GPATCH8: variants seen among roughly 807,000 people sequenced by gnomAD.
The protein encoded by GPATCH8 is G patch domain-containing protein 8.
Under a neutral mutation model 118.3 loss-of-function variants are expected in GPATCH8, and 18 were observed. The ratio of observed to expected loss-of-function variants is 0.15; its 90% CI spans 0.11 to 0.23. GPATCH8 has a LOEUF of 0.23. GPATCH8 is among the 10% of genes least tolerant of loss of function. The pLI is 1.00. For missense variants in GPATCH8, 1,631 were observed against 1,873.8 expected (o/e 0.87, Z 2.39); for synonymous variants, 659 against 684.7 (o/e 0.96, Z 0.59).
chr17:44,498,933 T>A (rs1223583491), intron 1 of GPATCH8, among the ~76,000 whole-genome samples: 4 of 152,212 alleles, frequency 2.6e-5, no homozygotes, highest in Non-Finnish European at 5.9e-5. Context: ...AACTAAGAAT[T>A]TCCTAAGGGT....
intron 1 of GPATCH8, among the ~76,000 whole-genome samples, chr17:44,485,347 C>G (rs188870160): frequency 4.9e-4 from 75 of 152,278 alleles, no homozygotes; most frequent in African/African-American, 1.7e-3. Flanking sequence ...CCCCTGGTCT[C>G]AGGTGATCCC....
rs1390067875 is a variant in GPATCH8, at chr17:44,400,621, A to G, written c.1456T>C (p.Leu486=). 6.2e-7 allele frequency: 1 copy of G among 1,613,960 alleles called. No homozygotes were observed. The highest frequency in any genetic ancestry group is 1.7e-5 in the Admixed American group (1 of 60,012). Residue 486 remains leucine (L), a synonymous_variant, in exon 8 of 8, where the codon TTA becomes CTA. Transcript: ENST00000591680. The stretch of plus-strand genomic sequence containing the variant: ...CTCTGATCACTTACATCCCCTCCTA[A>G]GGCCTTCTTTGCCTCAGCTTTGCTT... The part of the protein sequence containing the change: ...PGSKAEAKKA[L]GGDVSDQSLE...
At chr17:44,474,699 G>C (rs755345442) in intron 2 of GPATCH8, 130 bp downstream of exon 2, 1 of 706,918 alleles carries the variant, frequency 1.4e-6, no homozygotes, top group Admixed American at 2.0e-5. Context: ...ATTACTGTAT[G>C]GCATGCAAGA....
At chr17:44,453,167 G>A (rs1447152972) in intron 3 of GPATCH8, among the ~76,000 whole-genome samples, 1 of 152,116 alleles carries the variant, frequency 6.6e-6, no homozygotes, top group Non-Finnish European at 1.5e-5. Flanking sequence ...CTATACCTCT[G>A]CTCTGATCAA....
At chr17:44,441,726 C>T (rs1000132007) in intron 3 of GPATCH8, among the ~76,000 whole-genome samples, 14 of 144,900 alleles carry the variant, frequency 9.7e-5, no homozygotes, top group African/African-American at 3.3e-4. Context: ...TCCTTCCCCC[C>T]GCCCCCCAAA....
In GPATCH8 at chr17:44,415,515, T is replaced by A. The variant is rs368984433; in HGVS notation, c.492+8834A>T. Reference sequence around the variant, plus strand: ...TGAAACATTTTGGATTTTAATTTTTTGAATTTGGGATGCTCAATCTGTATT... The same window carrying A: ...TGAAACATTTTGGATTTTAATTTTTAGAATTTGGGATGCTCAATCTGTATT... On this transcript the variant is annotated intron_variant, in intron 6 of 7. Transcript: ENST00000591680. Among the ~76,000 whole-genome samples the A allele has an allele frequency of 5.1e-4, 77 of 152,296 alleles. 1 individual carries two copies. The South Asian group carries it at 0.016, about 31-fold the overall frequency.
chr17:44,487,330 T>G (rs772244548), intron 1 of GPATCH8, among the ~76,000 whole-genome samples: 17 of 152,232 alleles, frequency 1.1e-4, no homozygotes, highest in Non-Finnish European at 2.1e-4. Context: ...TTTTCCTGGC[T>G]TGATAGCTCA....
At position 44,477,781 on chromosome 17, in the gene GPATCH8, T is replaced by C. The variant is rs1967897064; in HGVS notation, c.46-2878A>G. ...GTCATGAACAAATGATTTTAAAAAA[T>C]TAAAAACAGCTATTAATCCTGAAAG... On this transcript the variant is annotated intron_variant, in intron 1 of 7. Coordinates refer to ENST00000591680, the MANE Select transcript of GPATCH8 (RefSeq NM_001002909.4). Among the ~76,000 whole-genome samples the C allele has an allele frequency of 3.3e-5, 5 of 151,952 alleles. No individual in the cohort carries two copies. In the South Asian group the frequency reaches 8.3e-4, roughly 25 times the overall value.
intron 2 of GPATCH8, chr17:44,474,411 A>G (rs1967563748): frequency 3.8e-6 from 1 of 266,446 alleles, no homozygotes; most frequent in Non-Finnish European, 7.3e-6. Context: ...TGTTTTTAAT[A>G]TAACATTTAA....
At chr17:44,482,267 C>T (rs939467169) in intron 1 of GPATCH8, among the ~76,000 whole-genome samples, 10 of 151,980 alleles carry the variant, frequency 6.6e-5, no homozygotes, top group South Asian at 4.2e-4. Flanking sequence ...ATACCTAATG[C>T]GTACGGGACT....
intron 3 of GPATCH8, among the ~76,000 whole-genome samples, chr17:44,463,703 C>T (rs1186635122): frequency 6.6e-6 from 1 of 152,192 alleles, no homozygotes; most frequent in Non-Finnish European, 1.5e-5. Flanking sequence ...TCTGAGGTAG[C>T]ATTCATATCA....
intron 2 of GPATCH8, chr17:44,464,839 G>C: frequency 5.4e-6 from 2 of 367,220 alleles, no homozygotes; most frequent in Non-Finnish European, 1.0e-5. Context: ...AAAAGGGGAA[G>C]AATACATTTA....
rs1361102962 is a variant in GPATCH8, at chr17:44,400,156, C to T, written c.1921G>A (p.Gly641Ser). 14 of 1,613,950 alleles carry T rather than the reference C, an allele frequency of 8.7e-6. No homozygotes were observed. The highest frequency in any genetic ancestry group is 2.2e-5 in the East Asian group (1 of 44,850). Residue 641 changes from glycine to serine, a missense_variant, in exon 8 of 8, where the codon GGC becomes AGC. By Grantham distance (56) the Gly-to-Ser change is moderately conservative. Coordinates refer to ENST00000591680, the MANE Select transcript of GPATCH8 (RefSeq NM_001002909.4). ...CCCCCAGGCTCCTGCTTGTTCAGGCCGCTACAGGCAGACCCTGAAGCAGGT... is the reference window on the plus strand; with the variant it reads ...CCCCCAGGCTCCTGCTTGTTCAGGCTGCTACAGGCAGACCCTGAAGCAGGT... ...DAPASGSACS[G>S]LNKQEPGGSH...
At chr17:44,406,710 A>G (rs758853934) in intron 6 of GPATCH8, among the ~76,000 whole-genome samples, 5 of 152,154 alleles carry the variant, frequency 3.3e-5, no homozygotes, top group Non-Finnish European at 7.3e-5. Flanking sequence ...GAGGCTTTGC[A>G]TTCCTTCATG....
intron 3 of GPATCH8, among the ~76,000 whole-genome samples, chr17:44,458,508 T>C (rs1045028608): frequency 5.9e-5 from 9 of 152,160 alleles, no homozygotes; most frequent in African/African-American, 2.2e-4. Context: ...TTGTTTATGA[T>C]GAAATATAGC....
Position 44,397,508 on chromosome 17 carries a change from C to A in GPATCH8, c.*60G>T. 1 of 1,170,684 alleles carries A rather than the reference C, an allele frequency of 8.5e-7. No individual in the cohort carries two copies. Among genetic ancestry groups the A allele is most frequent in the South Asian group, 1.2e-5 (1 of 81,386 alleles). The allele number at this position is 1,170,684 out of a possible 1,614,324, so 72.5% of individuals were successfully genotyped here. A position where few individuals can be genotyped will look rare whatever the true frequency, so the allele number is the denominator to read the frequency against. On this transcript the variant is annotated 3_prime_UTR_variant, in exon 8 of 8. Transcript: ENST00000591680. ...CTTGCTGGTATTAATGGCTCAACAC[C>A]CCCAAGGGAACATTTATGGGTCTCC...
In GPATCH8 at chr17:44,399,556, C is replaced by T; in HGVS notation, c.2521G>A (p.Glu841Lys). The change falls in exon 8 of 8, where the codon GAA becomes AAA. Residue 841 changes from glutamate to lysine, a missense_variant. Physicochemically the swap from Glu to Lys is moderately conservative, Grantham distance 56. This residue lies in a region of GPATCH8 where 922 missense variants were observed against 879.7 expected (regional missense o/e 1.05). Coordinates refer to ENST00000591680, the MANE Select transcript of GPATCH8 (RefSeq NM_001002909.4). ...KSPSQYSEEE[E>K]EEDSGSEHSR... is the part of the protein sequence containing the mutation. ...TGCTCACTGCCTGAATCTTCCTCTT[C>T]TTCTTCCTCACTGTACTGGGATGGA... 6 of 1,614,220 alleles carry T rather than the reference C, an allele frequency of 3.7e-6. No homozygotes were observed. The highest frequency in any genetic ancestry group is 1.3e-5 in the African/African-American group (1 of 75,082).
chr17:44,398,899 C>T lies in GPATCH8; in HGVS notation c.3178G>A (p.Ala1060Thr). The change falls in exon 8 of 8, where the codon GCA becomes ACA. Residue 1060 changes from alanine (A) to threonine (T), a missense_variant. Physicochemically the swap from Ala to Thr is moderately conservative, Grantham distance 58 (BLOSUM62 0). Around this residue, in one of 8 missense-constraint regions of GPATCH8, gnomAD observed 922 missense variants for 879.7 expected, o/e 1.05. Transcript: ENST00000591680. ...CTGTTCTGGGAAGGTGGACCTGTTGCTTTACTGTCATCTCCTCTGCCATCA... is the reference window on the plus strand; with the variant it reads ...CTGTTCTGGGAAGGTGGACCTGTTGTTTTACTGTCATCTCCTCTGCCATCA... ...KDDGRGDDSK[A>T]TGPPSQNSNI... 1 of 1,614,156 alleles carries T rather than the reference C, an allele frequency of 6.2e-7. No homozygotes were observed. The highest frequency in any genetic ancestry group is 1.1e-5 in the South Asian group (1 of 91,084).
intron 3 of GPATCH8, among the ~76,000 whole-genome samples, chr17:44,449,584 T>C (rs2051037500): frequency 6.6e-6 from 1 of 151,632 alleles, no homozygotes; most frequent in African/African-American, 2.4e-5. Context: ...TGGCGTGATC[T>C]TGGCTCACCG....
Sources: gnomAD v4.1 joint callset for allele counts (sites outside exome capture counted in the v4.1 genomes callset) on GRCh38, gnomAD v4.1.1 for gene constraint, gnomAD v4.1.1 regional missense constraint, MANE v1.5 for transcripts, NCBI Gene and HGNC (gene_info 2026-07-23, HGNC 2026-07-21) for gene names.